CNTN4: variants seen among roughly 807,000 people sequenced by gnomAD.
The protein encoded by CNTN4 is contactin 4, also known as contactin-4.
A neutral mutation model predicts 122.5 loss-of-function variants in CNTN4; 77 were observed. The ratio of observed to expected loss-of-function variants is 0.63; its 90% CI spans 0.52 to 0.76. The LOEUF is 0.76. Ranked by LOEUF, CNTN4 falls within the 30% of genes least tolerant of loss-of-function variation. The probability of loss-of-function intolerance (pLI) is 0.00; values close to 1 mark genes in which losing one functional copy is unlikely to be tolerated. For missense variants in CNTN4, 1,256 were observed against 1,259.1 expected, an observed-to-expected ratio of 1.00 and a Z score of 0.04; for synonymous variants, 512 against 447.0, an observed-to-expected ratio of 1.15 and a Z score of -1.83.
At chr3:2,333,050 C>T (rs1262873406) in intron 2 of CNTN4, among the ~76,000 whole-genome samples, 5 of 152,142 alleles carry the variant, frequency 3.3e-5, no homozygotes, top group Non-Finnish European at 7.4e-5. Flanking sequence ...GAGCATCTGT[C>T]TCTATCCTCT....
At chr3:2,160,539 A>G (rs925751636) in intron 2 of CNTN4, among the ~76,000 whole-genome samples, 2 of 152,184 alleles carry the variant, frequency 1.3e-5, no homozygotes, top group African/African-American at 4.8e-5. Flanking sequence ...GGAATAAGTG[A>G]TAGATTCCAC....
intron 2 of CNTN4, among the ~76,000 whole-genome samples, chr3:2,174,628 C>T (rs999951544): frequency 6.6e-6 from 1 of 152,118 alleles, no homozygotes; most frequent in African/African-American, 2.4e-5. Flanking sequence ...TCTGATAGGC[C>T]AGTCTTGTGT....
intron 3 of CNTN4, among the ~76,000 whole-genome samples, chr3:2,531,603 C>T (rs1305415639): frequency 6.6e-4 from 100 of 152,056 alleles, no homozygotes; most frequent in Non-Finnish European, 1.0e-4. Context: ...ATTGGATGTC[C>T]ATTTACTCTT....
chr3:2,465,213 G>A (rs898226002), intron 3 of CNTN4, among the ~76,000 whole-genome samples: 5 of 152,014 alleles, frequency 3.3e-5, no homozygotes, highest in African/African-American at 1.2e-4. Context: ...GTAATCTGTG[G>A]GCATGATTCC....
intron 2 of CNTN4, among the ~76,000 whole-genome samples, chr3:2,167,999 G>T (rs2036277794): frequency 6.6e-6 from 1 of 152,116 alleles, no homozygotes; most frequent in African/African-American, 2.4e-5. Flanking sequence ...CATTAGCTGG[G>T]CATGGTGTTG....
chr3:2,251,371 C>G (rs2040372166), intron 2 of CNTN4, among the ~76,000 whole-genome samples: 1 of 151,880 alleles, frequency 6.6e-6, no homozygotes, highest in Admixed American at 6.6e-5. Flanking sequence ...GAGCTGTTTT[C>G]TTCAATTATT....
chr3:2,869,244 A>G lies in CNTN4; in HGVS notation c.652+2295A>G, dbSNP rs1370001124. 2.0e-5 allele frequency among the ~76,000 whole-genome samples: 3 copies of G among 152,212 alleles called. No individual in the cohort carries two copies. The East Asian group carries it at 5.8e-4, about 29-fold the overall frequency. On this transcript the variant is annotated intron_variant, in intron 8 of 24. Transcript: ENST00000418658. ...TGCTTAGCTGCTATGTGGAAAACGG[A>G]CTTTCAGAAAACAATAGTGAAAACT...
chr3:2,190,331 G>GT lies in CNTN4; in HGVS notation c.-145+89702dup, dbSNP rs1553598526. On this transcript the variant is annotated intron_variant, in intron 2 of 24. Coordinates refer to ENST00000418658, the MANE Select transcript of CNTN4 (RefSeq NM_175607.3). ...TGTGTGTGTGTGTGTGTGTCTTTGT[G>GT]TTTTTTTTTTCTGAAATAATGATAA... Among the ~76,000 whole-genome samples the GT allele has an allele frequency of 2.5e-3, 369 of 147,058 alleles. 1 individual carries two copies. Among genetic ancestry groups the GT allele is most frequent in the Middle Eastern group, 0.018 (5 of 282 alleles).
intron 3 of CNTN4, among the ~76,000 whole-genome samples, chr3:2,549,112 G>A (rs921301508): frequency 3.2e-5 from 4 of 125,856 alleles, no homozygotes; most frequent in Non-Finnish European, 7.9e-5. Context: ...CAATCATGTC[G>A]GGTTTTCTAA....
chr3:2,690,977 G>A (rs1372142736), intron 4 of CNTN4, among the ~76,000 whole-genome samples: 1 of 152,124 alleles, frequency 6.6e-6, no homozygotes, highest in Non-Finnish European at 1.5e-5. Context: ...CAATGCCCTA[G>A]CCCTAGAGAA....
At chr3:2,947,919 A>C (rs876254) in intron 13 of CNTN4, among the ~76,000 whole-genome samples, 11,350 of 152,128 alleles carry the variant, frequency 0.075, 480 homozygotes, top group Middle Eastern at 0.13. Context: ...TCATATTAAA[A>C]CCCTGTGCCA....
intron 4 of CNTN4, among the ~76,000 whole-genome samples, chr3:2,595,298 A>C (rs1160026152): frequency 1.3e-5 from 2 of 152,224 alleles, no homozygotes; most frequent in Admixed American, 1.3e-4. Flanking sequence ...CTTAGTTTTC[A>C]TGCCAGTTAG....
chr3:2,750,379 C>T (rs949979672), intron 6 of CNTN4, among the ~76,000 whole-genome samples: 11 of 152,164 alleles, frequency 7.2e-5, no homozygotes, highest in African/African-American at 2.4e-4. Context: ...CTTTTGTGCA[C>T]AGAACTTAGT....
intron 15 of CNTN4, among the ~76,000 whole-genome samples, chr3:3,028,856 G>A (rs182870279): frequency 2.2e-3 from 333 of 151,630 alleles, no homozygotes; most frequent in African/African-American, 7.8e-3. Context: ...ACTTATATGT[G>A]GATTTTTTTT....
intron 6 of CNTN4, among the ~76,000 whole-genome samples, chr3:2,749,650 C>T (rs940167495): frequency 2.6e-5 from 4 of 152,034 alleles, no homozygotes; most frequent in Admixed American, 2.6e-4. Flanking sequence ...AGTAACACAA[C>T]AAAGAAAATA....
chr3:2,808,555 T>G, intron 6 of CNTN4, among the ~76,000 whole-genome samples: 1 of 152,280 alleles, frequency 6.6e-6, no homozygotes, highest in South Asian at 2.1e-4. Flanking sequence ...AATTGTATGA[T>G]ATATCACTGA....
intron 3 of CNTN4, among the ~76,000 whole-genome samples, chr3:2,361,083 A>G (rs1195538618): frequency 6.6e-6 from 1 of 152,254 alleles, no homozygotes; most frequent in East Asian, 1.9e-4. Flanking sequence ...GACTTGTATC[A>G]TGGTCATGAT....
chr3:2,470,562 T>A (rs1260110641), intron 3 of CNTN4, among the ~76,000 whole-genome samples: 3 of 152,178 alleles, frequency 2.0e-5, no homozygotes, highest in African/African-American at 7.2e-5. Flanking sequence ...TCATTTCTGC[T>A]CCTGTCTTAA....
intron 2 of CNTN4, among the ~76,000 whole-genome samples, chr3:2,225,006 C>T (rs921821983): frequency 4.9e-4 from 74 of 151,248 alleles, no homozygotes; most frequent in African/African-American, 1.6e-3. Context: ...AAAAATTAGC[C>T]GGTTGCGGTG....
Sources: gnomAD v4.1 joint callset for allele counts (sites outside exome capture counted in the v4.1 genomes callset) on GRCh38, gnomAD v4.1.1 for gene constraint, MANE v1.5 for transcripts, NCBI Gene and HGNC (gene_info 2026-07-23, HGNC 2026-07-21) for gene names.